PTPRT: variants seen among roughly 807,000 people sequenced by gnomAD.
PTPRT encodes receptor-type tyrosine-protein phosphatase T.
PTPRT carries 56 observed loss-of-function variants against 176.8 expected under a neutral mutation model. The ratio of observed to expected loss-of-function variants is 0.32; its 90% CI spans 0.26 to 0.40. PTPRT has a LOEUF of 0.40. Ranked by LOEUF, PTPRT falls within the 10% of genes least tolerant of loss-of-function variation. PTPRT has a pLI of 1.00. For synonymous variants in PTPRT, 783 were observed against 739.0 expected (o/e 1.06, Z -0.96); for missense variants, 1,540 against 1,908.2 (o/e 0.81, Z 3.60).
intron 1 of PTPRT, among the ~76,000 whole-genome samples, chr20:42,915,412 G>C (rs1279203632): frequency 6.6e-6 from 1 of 152,238 alleles, no homozygotes; most frequent in Non-Finnish European, 1.5e-5. Flanking sequence ...AAGGGTCCCT[G>C]TGGGGGCCTG....
intron 1 of PTPRT, among the ~76,000 whole-genome samples, chr20:43,184,799 C>T (rs747564493): frequency 1.8e-4 from 28 of 152,118 alleles, no homozygotes; most frequent in Non-Finnish European, 3.7e-4. Context: ...TGTTACGTCC[C>T]TTTGGAATGT....
At chr20:42,833,613 A>C (rs2078131530) in intron 2 of PTPRT, among the ~76,000 whole-genome samples, 2 of 151,998 alleles carry the variant, frequency 1.3e-5, no homozygotes, top group Non-Finnish European at 2.9e-5. Flanking sequence ...AACATTTACA[A>C]GATAAAAGCA....
chr20:43,046,611 G>C (rs916370898), intron 1 of PTPRT, among the ~76,000 whole-genome samples: 1 of 152,050 alleles, frequency 6.6e-6, no homozygotes, highest in Non-Finnish European at 1.5e-5. Flanking sequence ...CGGGACTGAG[G>C]TCGGGCTGTG....
chr20:42,294,272 G>C (rs1307406774), intron 12 of PTPRT, among the ~76,000 whole-genome samples: 1 of 152,108 alleles, frequency 6.6e-6, no homozygotes. Context: ...TCAAAACTAA[G>C]AGTACAGGAA....
intron 15 of PTPRT, among the ~76,000 whole-genome samples, chr20:42,207,675 C>T (rs1388719343): frequency 4.1e-5 from 2 of 49,192 alleles, no homozygotes; most frequent in Non-Finnish European, 7.5e-5. Flanking sequence ...ATTGGTGTAC[C>T]TGAAAGTGAT....
At chr20:42,317,974 G>A (rs1488953163) in intron 11 of PTPRT, among the ~76,000 whole-genome samples, 3 of 152,132 alleles carry the variant, frequency 2.0e-5, no homozygotes, top group African/African-American at 2.4e-5. Context: ...ACATCTGAGG[G>A]TGTACCATTT....
At chr20:42,501,865 AT>A (rs140143309) in intron 7 of PTPRT, among the ~76,000 whole-genome samples, 1 of 151,856 alleles carries the variant, frequency 6.6e-6, no homozygotes, top group South Asian at 2.1e-4. Context: ...ATATGCCTTC[AT>A]TTTTTTTGTC....
intron 1 of PTPRT, among the ~76,000 whole-genome samples, chr20:43,092,455 C>T (rs2011919825): frequency 6.6e-6 from 1 of 152,188 alleles, no homozygotes; most frequent in Non-Finnish European, 1.5e-5. Context: ...GTATTTTCCA[C>T]ATACATAATA....
chr20:42,921,559 T>G (rs941560577), intron 1 of PTPRT, among the ~76,000 whole-genome samples: 2 of 152,228 alleles, frequency 1.3e-5, no homozygotes, highest in African/African-American at 4.8e-5. Flanking sequence ...CACTTCAGTC[T>G]GGGCAACAGA....
chr20:42,220,053 T>TATA (rs2055851673), intron 15 of PTPRT, among the ~76,000 whole-genome samples: 4 of 131,618 alleles, frequency 3.0e-5, no homozygotes, highest in Non-Finnish European at 6.8e-5. Context: ...ATATATATAT[T>TATA]TTTCAACATA....
intron 7 of PTPRT, among the ~76,000 whole-genome samples, chr20:42,529,847 GAAAAAAAAA>G (rs140817588): frequency 1.8e-5 from 2 of 108,520 alleles, no homozygotes; most frequent in Admixed American, 9.9e-5. Context: ...CTTGTTAGAG[GAAAAAAAAA>G]AAAAAAAAAG....
At chr20:42,522,748 A>T (rs1012834573) in intron 7 of PTPRT, among the ~76,000 whole-genome samples, 13 of 152,152 alleles carry the variant, frequency 8.5e-5, no homozygotes, top group African/African-American at 3.1e-4. Context: ...GGTATGAGCC[A>T]CCATGCCCGG....
chr20:43,058,620 G>A (rs946938624), intron 1 of PTPRT, among the ~76,000 whole-genome samples: 5 of 152,058 alleles, frequency 3.3e-5, no homozygotes, highest in African/African-American at 9.7e-5. Flanking sequence ...AGCAATAAAC[G>A]CTTCATGCAA....
chr20:42,374,468 A>T (rs374327084), intron 9 of PTPRT, among the ~76,000 whole-genome samples: 50 of 152,378 alleles, frequency 3.3e-4, no homozygotes, highest in African/African-American at 1.2e-3. Flanking sequence ...ATACGGTAAT[A>T]ATGTTAAAAC....
intron 9 of PTPRT, among the ~76,000 whole-genome samples, chr20:42,430,065 C>T (rs2059202075): frequency 6.6e-6 from 1 of 152,176 alleles, no homozygotes; most frequent in African/African-American, 2.4e-5. Flanking sequence ...GGTACAGTGT[C>T]TGTATAATCT....
At chr20:43,127,195 G>A (rs142428459) in intron 1 of PTPRT, among the ~76,000 whole-genome samples, 9,971 of 152,008 alleles carry the variant, frequency 0.066, 434 homozygotes, top group African/African-American at 0.12. Context: ...AGGCAAAGGC[G>A]GGCGGATCAC....
intron 1 of PTPRT, among the ~76,000 whole-genome samples, chr20:43,113,573 C>T (rs2047255371): frequency 6.6e-6 from 1 of 152,166 alleles, no homozygotes. Flanking sequence ...ATGGCCAAGA[C>T]AGTGCACCCT....
chr20:42,282,025 GTTTGTCTTCTCA>G (rs1315246964), intron 13 of PTPRT, among the ~76,000 whole-genome samples: 1 of 152,026 alleles, frequency 6.6e-6, no homozygotes, highest in Non-Finnish European at 1.5e-5. Context: ...ATAATGCAGC[GTTTGTCTTCTCA>G]TTACTAAAGG....
chr20:42,665,084 C>A (rs984182377), intron 7 of PTPRT, among the ~76,000 whole-genome samples: 56 of 151,952 alleles, frequency 3.7e-4, no homozygotes, highest in African/African-American at 1.3e-3. Context: ...GCAACAAAAG[C>A]CAAAATTGAC....
Sources: allele counts gnomAD v4.1 joint callset (sites outside exome capture counted in the v4.1 genomes callset), GRCh38; gene constraint gnomAD v4.1.1; transcripts MANE v1.5; gene names NCBI Gene and HGNC (gene_info 2026-07-23, HGNC 2026-07-21).